Variants in SIX4 observed in about 807,000 individuals in gnomAD.
SIX4 encodes the protein homeobox protein SIX4.
Under a neutral mutation model 51.5 loss-of-function variants are expected in SIX4, and 23 were observed. That is an observed-to-expected ratio of 0.45 (90% CI 0.32 to 0.63). The LOEUF (loss-of-function observed/expected upper bound fraction) is 0.63. SIX4 is among the 30% of genes least tolerant of loss of function. The pLI is 0.04. For missense variants in SIX4, 867 were observed against 984.0 expected (o/e 0.88, Z 1.59); for synonymous variants, 413 against 417.3 (o/e 0.99, Z 0.13).
chr14:60,714,850 G>A (rs747659949), intron 2 of SIX4, among the ~76,000 whole-genome samples: 18 of 151,384 alleles, frequency 1.2e-4, no homozygotes, highest in Non-Finnish European at 1.8e-4. Context: ...ATTTTTAGTA[G>A]AGACGGGGTT....
Position 60,723,426 on chromosome 14 carries a change from G to C in SIX4, c.649C>G (p.Pro217Ala), listed in dbSNP as rs1248320965. 6.2e-7 allele frequency: 1 copy of C among 1,610,910 alleles called. No homozygotes were observed. The highest frequency in any genetic ancestry group is 8.5e-7 in the Non-Finnish European group (1 of 1,179,942). The change falls in exon 1 of 3, where the codon CCC (proline) becomes GCC (alanine). Residue 217 changes from proline to alanine, a missense_variant. By Grantham distance (27) the Pro-to-Ala change is conservative. Transcript: ENST00000216513. ...KYRLRRKFPL[P>A]RTIWDGEETV... is the part of the protein sequence containing the mutation. Reference sequence around the variant, plus strand: ...TCCTCGCCGTCCCAGATGGTGCGGGGCAGGGGGAATTTCCTGCGCAGCCGG... The same window carrying C: ...TCCTCGCCGTCCCAGATGGTGCGGGCCAGGGGGAATTTCCTGCGCAGCCGG...
chr14:60,714,955 C>T (rs949274098), intron 2 of SIX4, among the ~76,000 whole-genome samples: 85 of 123,452 alleles, frequency 6.9e-4, no homozygotes, highest in Middle Eastern at 4.2e-3. Context: ...TGAGCCACAG[C>T]ACCCGGGCCC....
intron 1 of SIX4, 28 bp downstream of exon 1, chr14:60,723,184 G>A: frequency 6.4e-7 from 1 of 1,573,336 alleles, no homozygotes; most frequent in East Asian, 2.3e-5. Context: ...GGAGAGGAAG[G>A]GGGAGGAGGA....
intron 1 of SIX4, among the ~76,000 whole-genome samples, chr14:60,721,933 A>T (rs1000408693): frequency 2.0e-4 from 31 of 152,196 alleles, no homozygotes; most frequent in African/African-American, 7.5e-4. Context: ...AGGGCCGGAT[A>T]GGGCACCAAG....
chr14:60,719,673 C>T lies in SIX4; in HGVS notation c.1549+87G>A, dbSNP rs1895984827. 2 of 1,341,130 alleles carry T rather than the reference C, an allele frequency of 1.5e-6. No individual in the cohort carries two copies. Among genetic ancestry groups the T allele is most frequent in the Non-Finnish European group, 2.1e-6 (2 of 974,566 alleles). The allele number at this position is 1,341,130 out of a possible 1,614,324, so 83.1% of individuals were successfully genotyped here. A position where few individuals can be genotyped will look rare whatever the true frequency, so the allele number is the denominator to read the frequency against. On this transcript the variant is annotated intron_variant, in intron 2 of 2. Transcript: ENST00000216513. This position sits in a 1 kb window ranked among gnomAD's most constrained non-coding sequence, Gnocchi z 4.9. ...TAATAAGGTACCTGAACAGAAACAT[C>T]AATCTATAGCTATCACCAAATGCGT...
rs1196874952 is a variant in SIX4, at chr14:60,712,492, A to C, written c.*915T>G. The C allele has an allele frequency of 6.6e-6, 1 of 152,644 alleles. No homozygotes were observed. The highest frequency in any genetic ancestry group is 1.5e-5 in the Non-Finnish European group (1 of 68,026). The allele number at this position is 152,644 out of a possible 1,614,324, so 9.5% of individuals were successfully genotyped here. A position where few individuals can be genotyped will look rare whatever the true frequency, so the allele number is the denominator to read the frequency against. On this transcript the variant is annotated 3_prime_UTR_variant, in exon 3 of 3. Transcript: ENST00000216513. ...GCTAAATAAAGAACAAGGATGTGAA[A>C]AAAAGTACCAAAATTCCAATATTGG...
In SIX4 at chr14:60,714,213, A is replaced by G; in HGVS notation, c.1550-10T>C. 6.4e-7 allele frequency: 1 copy of G among 1,557,954 alleles called. No homozygotes were observed. The highest frequency in any genetic ancestry group is 8.6e-7 in the Non-Finnish European group (1 of 1,163,352). On this transcript the variant is annotated splice_polypyrimidine_tract_variant and intron_variant, in intron 2 of 2. Transcript: ENST00000216513. ...CTTACTGAGATATTACCTAAAAAAAATAAAGTACTGATTATCACTGATGGA... is the reference window on the plus strand; with the variant it reads ...CTTACTGAGATATTACCTAAAAAAAGTAAAGTACTGATTATCACTGATGGA...
Position 60,724,058 on chromosome 14 carries a change from G to A in SIX4, c.17C>T (p.Pro6Leu), listed in dbSNP as rs773554042. MSSSS[P>L]TGQIASAADI... ...CGCCGCACTTGCGATCTGCCCGGTG[G>A]GGGAGGAAGAGGACATTTTTTGTTG... is the stretch of plus-strand genomic sequence containing the variant. The change falls in exon 1 of 3, where the codon CCC (proline) becomes CTC (leucine). Residue 6 changes from proline (P) to leucine (L), a missense_variant. Coordinates refer to ENST00000216513, the MANE Select transcript of SIX4 (RefSeq NM_017420.5). 19 of 1,543,780 alleles carry A rather than the reference G, an allele frequency of 1.2e-5. No individual in the cohort carries two copies. Among genetic ancestry groups the A allele is most frequent in the Non-Finnish European group, 1.6e-5 (18 of 1,143,546 alleles).
chr14:60,720,068 G>A lies in SIX4; in HGVS notation c.1241C>T (p.Thr414Ile), dbSNP rs1446755480. Residue 414 changes from threonine to isoleucine, a missense_variant, in exon 2 of 3, where the codon ACT becomes ATT. Physicochemically the swap from Thr to Ile is moderately conservative, Grantham distance 89. Transcript: ENST00000216513. The surrounding 1 kb of genome is among the most constrained non-coding windows in gnomAD (Gnocchi z 5.5). ...TTTGAATTCCTTCACGTCCTGGGAA[G>A]TAGACCCCAGTATGTCAGTCATGGA... ...GISMTDILGS[T>I]SQDVKEFKVL... 2 of 1,614,092 alleles carry A rather than the reference G, an allele frequency of 1.2e-6. No homozygotes were observed. The highest frequency in any genetic ancestry group is 1.7e-6 in the Non-Finnish European group (2 of 1,180,056).
chr14:60,721,042 TGTTGTAGGAAAA>T, intron 1 of SIX4: 1 of 985,770 alleles, frequency 1.0e-6, no homozygotes. Flanking sequence ...TGGCTGTCCT[TGTTGTAGGAAAA>T]GGCACTTTCA....
rs927143769 is a variant in SIX4 at position 60,722,638 on chromosome 14, T to C, written c.863+574A>G. On this transcript the variant is annotated intron_variant, in intron 1 of 2. Transcript: ENST00000216513. The surrounding 1 kb of genome is among the most constrained non-coding windows in gnomAD (Gnocchi z 5.9). ...AACCTCGACGTTCCGAGACCCCTTCTGCGCCGCCAGTCCCACAACACTCTC... is the reference window on the plus strand; with the variant it reads ...AACCTCGACGTTCCGAGACCCCTTCCGCGCCGCCAGTCCCACAACACTCTC... Among the ~76,000 whole-genome samples the C allele has an allele frequency of 6.6e-6, 1 of 152,066 alleles. No homozygotes were observed. Among genetic ancestry groups the C allele is most frequent in the East Asian group, 1.9e-4 (1 of 5,144 alleles).
chr14:60,716,668 G>A (rs1319868695), intron 2 of SIX4, among the ~76,000 whole-genome samples: 6 of 152,070 alleles, frequency 3.9e-5, no homozygotes, highest in East Asian at 3.9e-4. Flanking sequence ...AATTACAGGC[G>A]TGACACCACA....
Position 60,713,513 on chromosome 14 carries a change from A to G in SIX4, c.2240T>C (p.Val747Ala), listed in dbSNP as rs769489219. The G allele has an allele frequency of 1.2e-6, 2 of 1,614,192 alleles. No homozygotes were observed. Among genetic ancestry groups the G allele is most frequent in the Middle Eastern group, 1.6e-4 (1 of 6,062 alleles). The change falls in exon 3 of 3, where the codon GTC becomes GCC. Residue 747 changes from valine (V) to alanine (A), a missense_variant. Val to Ala is a moderately conservative substitution (Grantham distance 64, BLOSUM62 0). Coordinates refer to ENST00000216513, the MANE Select transcript of SIX4 (RefSeq NM_017420.5). ...GACAGTATCAACCATGCCATCTAAG[A>G]CATACTTGGATTTAGAGTCCAGCAT... ...LMMLDSKSKY[V>A]LDGMVDTVCE...
At position 60,724,291 on chromosome 14, in the gene SIX4, GGATAGCT is replaced by G; in HGVS notation, c.-224_-218del. ...GCTGTTAGAGCAAAGTAGTGTAAAC[GGATAGCT>G]GCTTTCTGCCGTTCCCCCAACGTGA... On this transcript the variant is annotated 5_prime_UTR_variant, in exon 1 of 3. An upstream open reading frame in the 5' UTR loses its in-frame stop. Coordinates refer to ENST00000216513, the MANE Select transcript of SIX4 (RefSeq NM_017420.5). 1 of 1,526,024 alleles carries G rather than the reference GGATAGCT, an allele frequency of 6.6e-7. No individual in the cohort carries two copies. The allele number at this position is 1,526,024 out of a possible 1,614,324, so 94.5% of individuals were successfully genotyped here.
Position 60,712,088 on chromosome 14 carries a change from C to A in SIX4, c.*1319G>T, listed in dbSNP as rs577022304. The A allele has an allele frequency of 6.6e-6, 1 of 152,586 alleles. No homozygotes were observed. The highest frequency in any genetic ancestry group is 1.9e-4 in the East Asian group (1 of 5,196). The allele number at this position is 152,586 out of a possible 1,614,324, so 9.5% of individuals were successfully genotyped here. ...ATGTGTCAGAGTGTAACAACTGATT[C>A]AAAACCTTTAGAACTAAGTTTCAAC... On this transcript the variant is annotated 3_prime_UTR_variant, in exon 3 of 3. Transcript: ENST00000216513.
Position 60,710,785 on chromosome 14 carries a change from A to C in SIX4, c.*2622T>G, listed in dbSNP as rs1282782124. On this transcript the variant is annotated 3_prime_UTR_variant, in exon 3 of 3. Transcript: ENST00000216513. ...TATTCAACTGAAAGAATAGAAAAGA[A>C]CAATAAGTTCTTTATACTGTGCATT... is the stretch of plus-strand genomic sequence containing the variant. 6.6e-6 allele frequency: 1 copy of C among 152,568 alleles called. No homozygotes were observed. The highest frequency in any genetic ancestry group is 1.5e-5 in the Non-Finnish European group (1 of 68,020). The allele number at this position is 152,568 out of a possible 1,614,324, so 9.5% of individuals were successfully genotyped here. A position where few individuals can be genotyped will look rare whatever the true frequency, so the allele number is the denominator to read the frequency against.
chr14:60,713,453 G>A lies in SIX4; in HGVS notation c.2300C>T (p.Ala767Val). The A allele has an allele frequency of 1.2e-6, 2 of 1,613,718 alleles. 1 individual carries two copies. ...ATCCAGCTGGACAGTCTGGAGCTTGGCAAGCTCTTTTTTGTCTGTTTCCAG... is the reference window on the plus strand; with the variant it reads ...ATCCAGCTGGACAGTCTGGAGCTTGACAAGCTCTTTTTTGTCTGTTTCCAG... ...EDLETDKKEL[A>V]KLQTVQLDED... The change falls in exon 3 of 3, where the codon GCC becomes GTC. Residue 767 changes from alanine to valine, a missense_variant. Transcript: ENST00000216513.
rs377168936 is a variant in SIX4, at chr14:60,720,191, G to A, written c.1118C>T (p.Pro373Leu). Residue 373 changes from proline (P) to leucine (L), a missense_variant, in exon 2 of 3, where the codon CCC (proline) becomes CTC (leucine). Coordinates refer to ENST00000216513, the MANE Select transcript of SIX4 (RefSeq NM_017420.5). The surrounding 1 kb of genome is among the most constrained non-coding windows in gnomAD (Gnocchi z 5.5). ...TAATCCATTAAGGATAACTCCACTG[G>A]GTCCCTGAATAAAAGAATTTCCATT... ...FLNGNSFIQG[P>L]SGVILNGLNV... The A allele has an allele frequency of 1.2e-6, 2 of 1,614,008 alleles. No individual in the cohort carries two copies. Among genetic ancestry groups the A allele is most frequent in the African/African-American group, 2.7e-5 (2 of 74,900 alleles).
Position 60,724,346 on chromosome 14 carries a change from T to C in SIX4, c.-272A>G. The C allele has an allele frequency of 7.0e-7, 1 of 1,420,062 alleles. No individual in the cohort carries two copies. Among genetic ancestry groups the C allele is most frequent in the Non-Finnish European group, 9.3e-7 (1 of 1,070,784 alleles). 88.0% of individuals were successfully genotyped at this position (1,420,062 alleles called of 1,614,324 possible). On this transcript the variant is annotated 5_prime_UTR_variant, in exon 1 of 3. It adds an upstream start codon to the 5' untranslated region. Transcript: ENST00000216513. ...TGACTCCTCCGGTTGCTGCATACTA[T>C]ATGGCAGTGGCGGCCGGGCCGGCCC...
Sources: allele counts gnomAD v4.1 joint callset (sites outside exome capture counted in the v4.1 genomes callset), GRCh38; gene constraint gnomAD v4.1.1; non-coding constraint Gnocchi (gnomAD v3.1); transcripts MANE v1.5; gene names NCBI Gene and HGNC (gene_info 2026-07-23, HGNC 2026-07-21).